ISOC1: variants seen among roughly 807,000 people sequenced by gnomAD.
ISOC1 encodes isochorismatase domain-containing protein 1.
A neutral mutation model predicts 30.0 loss-of-function variants in ISOC1; 33 were observed. The ratio of observed to expected loss-of-function variants is 1.10; its 90% CI spans 0.83 to 1.47. The LOEUF is 1.47. ISOC1 is among the 40% of genes most tolerant of loss of function. The pLI, the probability that ISOC1 is intolerant of heterozygous loss-of-function variation, is 0.00. For synonymous variants in ISOC1, 178 were observed against 159.8 expected (o/e 1.11, Z -0.86); for missense variants, 372 against 388.0 (o/e 0.96, Z 0.35).
chr5:129,108,807 C>G (rs73235863), intron 4 of ISOC1, among the ~76,000 whole-genome samples: 2 of 152,036 alleles, frequency 1.3e-5, no homozygotes, highest in Admixed American at 6.5e-5. Flanking sequence ...CCACTGTGCC[C>G]GGTCAGACCT....
Position 129,112,900 on chromosome 5 carries a change from C to G in ISOC1, c.796C>G (p.Leu266Val). 6.2e-7 allele frequency: 1 copy of G among 1,613,808 alleles called. No individual in the cohort carries two copies. Residue 266 changes from leucine (L) to valine (V), a missense_variant, in exon 5 of 5, where the codon CTG becomes GTG. By Grantham distance (32) the Leu-to-Val change is conservative. Coordinates refer to ENST00000173527, the MANE Select transcript of ISOC1 (RefSeq NM_016048.2). Reference sequence around the variant, plus strand: ...CATAGTGACCACGAGTGAGGCTGTTCTGCTTCAGCTGGTAGCTGATAAGGA... The same window carrying G: ...CATAGTGACCACGAGTGAGGCTGTTGTGCTTCAGCTGGTAGCTGATAAGGA... ...GIIVTTSEAV[L>V]LQLVADKDHP...
At chr5:129,105,946 AC>A (rs1363933672) in intron 3 of ISOC1, among the ~76,000 whole-genome samples, 3 of 152,290 alleles carry the variant, frequency 2.0e-5, no homozygotes, top group South Asian at 2.1e-4. Context: ...TTAAGAAAAA[AC>A]CACTAAAACA....
chr5:129,105,169 G>A lies in ISOC1; in HGVS notation c.430-16G>A. 1 of 1,612,746 alleles carries A rather than the reference G, an allele frequency of 6.2e-7. No individual in the cohort carries two copies. Among genetic ancestry groups the A allele is most frequent in the Non-Finnish European group, 8.5e-7 (1 of 1,179,462 alleles). The stretch of plus-strand genomic sequence containing the variant: ...TATATAGCTAATTGTTTTTGTGTTT[G>A]GTTATTTTTTTTCAGTTGCAAGGGG... On this transcript the variant is annotated splice_polypyrimidine_tract_variant and intron_variant, in intron 2 of 4. Transcript: ENST00000173527.
At position 129,112,887 on chromosome 5, in the gene ISOC1, G is replaced by A. The variant is rs374070027; in HGVS notation, c.783G>A (p.Thr261=). 1.8e-5 allele frequency: 29 copies of A among 1,613,660 alleles called. No homozygotes were observed. The highest frequency in any genetic ancestry group is 2.3e-5 in the Non-Finnish European group (27 of 1,179,766). The change falls in exon 5 of 5, where the codon ACG becomes ACA. Residue 261 remains threonine (T), a synonymous_variant. Transcript: ENST00000173527. ...RLARTGIIVT[T]SEAVLLQLVA... ...CTCGAACCGGGATCATAGTGACCAC[G>A]AGTGAGGCTGTTCTGCTTCAGCTGG...
intron 4 of ISOC1, among the ~76,000 whole-genome samples, chr5:129,108,714 G>A (rs992229761): frequency 6.6e-6 from 1 of 152,132 alleles, no homozygotes; most frequent in African/African-American, 2.4e-5. Context: ...GTTTTGCCAT[G>A]TTGGCCAGGC....
intron 3 of ISOC1, among the ~76,000 whole-genome samples, chr5:129,106,508 G>A (rs1035527835): frequency 2.4e-4 from 36 of 152,054 alleles, no homozygotes; most frequent in African/African-American, 8.2e-4. Context: ...GCCTCATAAT[G>A]ACTCAGTTTT....
rs904567424 is a variant in ISOC1, at chr5:129,095,029, C to T, written c.263C>T (p.Ala88Val). The T allele has an allele frequency of 2.5e-6, 4 of 1,597,856 alleles. No homozygotes were observed. The African/African-American group carries it at 5.4e-5, about 22-fold the overall frequency. ...TACGTGGACTTGCCCAAGGGCTTCG[C>T]GGTGAGCGAGCGCTGCAAGGTGCGC... ...GQYVDLPKGF[A>V]VSERCKVRLV... The change falls in exon 1 of 5, where the codon GCG (alanine) becomes GTG (valine). Residue 88 changes from alanine to valine, a missense_variant. By Grantham distance (64) the Ala-to-Val change is moderately conservative (BLOSUM62 0). Coordinates refer to ENST00000173527, the MANE Select transcript of ISOC1 (RefSeq NM_016048.2).
chr5:129,111,334 C>T (rs1753706967), intron 4 of ISOC1, among the ~76,000 whole-genome samples: 1 of 151,892 alleles, frequency 6.6e-6, no homozygotes, highest in South Asian at 2.1e-4. Context: ...CTGCTCTGCA[C>T]CCTTTTCTGT....
intron 4 of ISOC1, among the ~76,000 whole-genome samples, chr5:129,111,705 T>G (rs1753711079): frequency 1.3e-5 from 2 of 152,174 alleles, no homozygotes; most frequent in East Asian, 3.9e-4. Flanking sequence ...CCTCCTTTCC[T>G]CTCTCTACCC....
intron 1 of ISOC1, among the ~76,000 whole-genome samples, chr5:129,101,035 G>GTTTT (rs1166519030): frequency 6.7e-6 from 1 of 149,248 alleles, no homozygotes; most frequent in Non-Finnish European, 1.5e-5. Flanking sequence ...TTGTTTGTTT[G>GTTTT]TTTGTTTGTT....
chr5:129,097,934 A>T (rs1447399273), intron 1 of ISOC1, among the ~76,000 whole-genome samples: 4 of 152,138 alleles, frequency 2.6e-5, no homozygotes, highest in Admixed American at 1.3e-4. Context: ...CCTATCGGTG[A>T]GTCCATGTTA....
At chr5:129,106,655 A>G (rs1393999430) in intron 3 of ISOC1, among the ~76,000 whole-genome samples, 1 of 152,222 alleles carries the variant, frequency 6.6e-6, no homozygotes, top group Non-Finnish European at 1.5e-5. Flanking sequence ...TCCAGATCAC[A>G]TGGAGCAAAA....
chr5:129,106,206 G>A (rs1240440746), intron 3 of ISOC1, among the ~76,000 whole-genome samples: 1 of 152,020 alleles, frequency 6.6e-6, no homozygotes, highest in Non-Finnish European at 1.5e-5. Flanking sequence ...ATCTTTGAGT[G>A]GTCCTTCAAT....
chr5:129,107,208 T>G, intron 4 of ISOC1, 146 bp downstream of exon 4: 41 of 586,464 alleles, frequency 7.0e-5, no homozygotes, highest in East Asian at 9.7e-5. Flanking sequence ...AACTGTGCAC[T>G]GACTGACCCT....
At position 129,113,162 on chromosome 5, in the gene ISOC1, T is replaced by A. The variant is rs1753733014; in HGVS notation, c.*161T>A. The A allele has an allele frequency of 9.3e-6, 5 of 537,858 alleles. No individual in the cohort carries two copies. The South Asian group carries it at 1.4e-4, about 15-fold the overall frequency. 33.3% of individuals were successfully genotyped at this position (537,858 alleles called of 1,614,324 possible). A position where few individuals can be genotyped will look rare whatever the true frequency, so the allele number is the denominator to read the frequency against. ...GTGAAACTTAACCAGCTAGACCATT[T>A]GAGTACCAGCATTTAGTTACAAACG... On this transcript the variant is annotated 3_prime_UTR_variant, in exon 5 of 5. Transcript: ENST00000173527.
rs1297864021 is a variant in ISOC1 at position 129,094,802 on chromosome 5, C to G, written c.36C>G (p.Pro12=). Residue 12 remains proline (P), a synonymous_variant, in exon 1 of 5, where the codon CCC becomes CCG. Transcript: ENST00000173527. ...CGGAGCCGGCGGTCCTTGCGCTCCC[C>G]AACAGCGGCGCCGGGGGCGCGGGGG... is the stretch of plus-strand genomic sequence containing the variant. ...AAAEPAVLAL[P]NSGAGGAGAP... is the part of the protein sequence containing the mutation. The G allele has an allele frequency of 4.6e-6, 7 of 1,533,458 alleles. No homozygotes were observed. The highest frequency in any genetic ancestry group is 6.1e-6 in the Non-Finnish European group (7 of 1,144,680). 95.0% of individuals were successfully genotyped at this position (1,533,458 alleles called of 1,614,324 possible).
chr5:129,110,132 T>TC (rs1279968172), intron 4 of ISOC1, among the ~76,000 whole-genome samples: 1 of 152,178 alleles, frequency 6.6e-6, no homozygotes, highest in Admixed American at 6.5e-5. Context: ...TTAGTCTTTT[T>TC]CCCCCCTCTC....
At chr5:129,106,227 A>T (rs901411231) in intron 3 of ISOC1, among the ~76,000 whole-genome samples, 13 of 152,186 alleles carry the variant, frequency 8.5e-5, no homozygotes, top group Non-Finnish European at 1.8e-4. Flanking sequence ...GCTAATTTTA[A>T]TGAGGTGTCA....
intron 1 of ISOC1, among the ~76,000 whole-genome samples, chr5:129,096,301 T>C (rs1240807917): frequency 6.6e-6 from 1 of 152,224 alleles, no homozygotes; most frequent in African/African-American, 2.4e-5. Flanking sequence ...TTATTCCTAT[T>C]ATCTGTGTTT....
Sources: gnomAD v4.1 joint callset for allele counts (sites outside exome capture counted in the v4.1 genomes callset) on GRCh38, gnomAD v4.1.1 for gene constraint, MANE v1.5 for transcripts, NCBI Gene and HGNC (gene_info 2026-07-23, HGNC 2026-07-21) for gene names.